Variants in ZCWPW2 observed in about 807,000 individuals in gnomAD.
ZCWPW2 encodes zinc finger CW-type and PWWP domain containing 2, also known as zinc finger CW-type PWWP domain protein 2.
In ZCWPW2, 45 loss-of-function variants were observed where a neutral mutation model predicts 46.6. The ratio of observed to expected loss-of-function variants is 0.96; its 90% CI spans 0.76 to 1.24. ZCWPW2 has a LOEUF of 1.24. ZCWPW2 is among the 50% of genes most tolerant of loss of function. The pLI, the probability that ZCWPW2 is intolerant of heterozygous loss-of-function variation, is 0.00. For synonymous variants in ZCWPW2, 152 were observed against 137.1 expected (o/e 1.11, Z -0.76); for missense variants, 429 against 403.9 (o/e 1.06, Z -0.53).
intron 4 of ZCWPW2, among the ~76,000 whole-genome samples, chr3:28,470,624 C>T (rs1037731812): frequency 4.0e-5 from 6 of 151,182 alleles, no homozygotes; most frequent in Non-Finnish European, 8.8e-5. Context: ...GCCATGAGTG[C>T]CTAAATTAAA....
At chr3:28,503,239 A>T (rs1700196059) in intron 6 of ZCWPW2, among the ~76,000 whole-genome samples, 1 of 152,148 alleles carries the variant, frequency 6.6e-6, no homozygotes, top group Non-Finnish European at 1.5e-5. Flanking sequence ...TAAGAAACAA[A>T]ATCTTCCTCA....
At chr3:28,467,285 A>T (rs1289200217) in intron 4 of ZCWPW2, among the ~76,000 whole-genome samples, 2 of 149,902 alleles carry the variant, frequency 1.3e-5, no homozygotes, top group African/African-American at 5.1e-5. Flanking sequence ...ACTAAAATAC[A>T]AACTACAAAC....
At chr3:28,386,171 C>T (rs533037847) in intron 1 of ZCWPW2, among the ~76,000 whole-genome samples, 10 of 152,034 alleles carry the variant, frequency 6.6e-5, no homozygotes, top group Non-Finnish European at 1.3e-4. Flanking sequence ...TAGGAATAAA[C>T]GCGTTCATAA....
chr3:28,359,885 CAT>C (rs1471441061), intron 1 of ZCWPW2, among the ~76,000 whole-genome samples: 2 of 151,950 alleles, frequency 1.3e-5, no homozygotes, highest in African/African-American at 4.8e-5. Context: ...GATTATAATT[CAT>C]AATTTCATTT....
chr3:28,348,963 T>G lies in ZCWPW2; in HGVS notation c.-374T>G. 1.0e-6 allele frequency: 1 copy of G among 985,334 alleles called. No individual in the cohort carries two copies. The highest frequency in any genetic ancestry group is 1.7e-5 in the African/African-American group (1 of 57,252). 61.0% of individuals were successfully genotyped at this position (985,334 alleles called of 1,614,324 possible). A position where few individuals can be genotyped will look rare whatever the true frequency, so the allele number is the denominator to read the frequency against. On this transcript the variant is annotated 5_prime_UTR_variant, in exon 1 of 10. Transcript: ENST00000383768. Reference sequence around the variant, plus strand: ...AAGCACTCCGGAAAGTGATTGGAAGTGTGGATGAGCTCTCAGCCGGAAAAG... The same window carrying G: ...AAGCACTCCGGAAAGTGATTGGAAGGGTGGATGAGCTCTCAGCCGGAAAAG...
At chr3:28,414,256 T>G (rs1315093506) in intron 3 of ZCWPW2, among the ~76,000 whole-genome samples, 1 of 151,816 alleles carries the variant, frequency 6.6e-6, no homozygotes, top group Non-Finnish European at 1.5e-5. Flanking sequence ...CAATTGTTCT[T>G]GTGTTTCTTC....
intron 1 of ZCWPW2, among the ~76,000 whole-genome samples, chr3:28,357,949 T>G (rs1704804012): frequency 6.6e-6 from 1 of 151,730 alleles, no homozygotes; most frequent in South Asian, 2.1e-4. Flanking sequence ...GAATTGCCTA[T>G]GAATCAGTAC....
intron 5 of ZCWPW2, among the ~76,000 whole-genome samples, chr3:28,489,154 G>C (rs1359963624): frequency 6.6e-6 from 1 of 152,030 alleles, no homozygotes; most frequent in East Asian, 1.9e-4. Flanking sequence ...GGTATATTTT[G>C]ACAGGAAACA....
chr3:28,355,485 A>C (rs1264524561), intron 1 of ZCWPW2, among the ~76,000 whole-genome samples: 2 of 152,242 alleles, frequency 1.3e-5, no homozygotes, highest in Non-Finnish European at 2.9e-5. Flanking sequence ...TCTTCACAGA[A>C]TTGGAAAAAA....
intron 4 of ZCWPW2, among the ~76,000 whole-genome samples, chr3:28,464,561 A>G (rs1026066276): frequency 1.2e-4 from 18 of 152,182 alleles, no homozygotes; most frequent in African/African-American, 4.3e-4. Flanking sequence ...CCAATCCTAG[A>G]TTGCCATAAT....
intron 1 of ZCWPW2, among the ~76,000 whole-genome samples, chr3:28,358,998 A>G (rs1704841386): frequency 6.6e-6 from 1 of 152,146 alleles, no homozygotes; most frequent in African/African-American, 2.4e-5. Context: ...ACTGAAAACT[A>G]TTACTTCCCA....
At chr3:28,441,119 G>A (rs753284652) in intron 4 of ZCWPW2, among the ~76,000 whole-genome samples, 1 of 152,184 alleles carries the variant, frequency 6.6e-6, no homozygotes, top group African/African-American at 2.4e-5. Context: ...GATGACTGGG[G>A]AAAGAGGCTG....
intron 6 of ZCWPW2, chr3:28,510,961 A>C: frequency 2.3e-6 from 1 of 426,734 alleles, no homozygotes; most frequent in Non-Finnish European, 4.7e-6. Flanking sequence ...TAAGGGAACC[A>C]GATTGAGTCT....
In ZCWPW2 at chr3:28,406,753, C is replaced by G. The variant is rs537561931; in HGVS notation, c.-13-6303C>G. 1.1e-3 allele frequency among the ~76,000 whole-genome samples: 174 copies of G among 151,756 alleles called. 1 individual carries two copies. Among genetic ancestry groups the G allele is most frequent in the African/African-American group, 3.9e-3 (161 of 41,404 alleles). On this transcript the variant is annotated intron_variant, in intron 2 of 9. Coordinates refer to ENST00000383768, the MANE Select transcript of ZCWPW2 (RefSeq NM_001040432.4). Reference sequence around the variant, plus strand: ...ACCTTTGCTTCCCTTAAAAAGTGTTCTAACAGCTCAGCTCAATATTTTTGT... The same window carrying G: ...ACCTTTGCTTCCCTTAAAAAGTGTTGTAACAGCTCAGCTCAATATTTTTGT...
chr3:28,445,495 T>A (rs1243391544), intron 4 of ZCWPW2, among the ~76,000 whole-genome samples: 1 of 152,124 alleles, frequency 6.6e-6, no homozygotes, highest in Non-Finnish European at 1.5e-5. Flanking sequence ...TAAAGTGTTA[T>A]AACTTTAGGA....
chr3:28,479,011 C>A, intron 5 of ZCWPW2, 80 bp downstream of exon 5: 1 of 888,314 alleles, frequency 1.1e-6, no homozygotes, highest in Non-Finnish European at 1.7e-6. Context: ...TTTGCTCATT[C>A]AAAAATCTCT....
chr3:28,472,541 C>G (rs1699077329), intron 4 of ZCWPW2, among the ~76,000 whole-genome samples: 1 of 151,986 alleles, frequency 6.6e-6, no homozygotes, highest in South Asian at 2.1e-4. Flanking sequence ...AAACTAGAAC[C>G]CTATCTCTCG....
intron 4 of ZCWPW2, among the ~76,000 whole-genome samples, chr3:28,444,177 C>G (rs1032007323): frequency 1.5e-4 from 23 of 152,148 alleles, no homozygotes; most frequent in African/African-American, 5.6e-4. Flanking sequence ...TGCTTGTTCA[C>G]CAGATTTCTG....
chr3:28,365,919 G>A (rs1361461006), intron 1 of ZCWPW2, among the ~76,000 whole-genome samples: 1 of 141,144 alleles, frequency 7.1e-6, no homozygotes, highest in African/African-American at 2.5e-5. Context: ...ATTGTGAATG[G>A]GAGTTCACTC....
Sources: allele counts gnomAD v4.1 joint callset (sites outside exome capture counted in the v4.1 genomes callset), GRCh38; gene constraint gnomAD v4.1.1; transcripts MANE v1.5; gene names NCBI Gene and HGNC (gene_info 2026-07-23, HGNC 2026-07-21).